Variants in SLC4A8 observed in about 807,000 individuals in gnomAD.
The protein encoded by SLC4A8 is solute carrier family 4 member 8.
SLC4A8 carries 40 observed loss-of-function variants against 125.0 expected under a neutral mutation model. The ratio of observed to expected loss-of-function variants is 0.32; its 90% CI spans 0.25 to 0.42. SLC4A8 has a LOEUF of 0.42. Ranked by LOEUF, SLC4A8 falls within the 10% of genes least tolerant of loss-of-function variation. The probability of loss-of-function intolerance (pLI) is 1.00; values close to 1 mark genes in which losing one functional copy is unlikely to be tolerated. For synonymous variants in SLC4A8, 456 were observed against 476.0 expected (o/e 0.96, Z 0.55); for missense variants, 863 against 1,355.1 (o/e 0.64, Z 5.70).
chr12:51,493,666 A>G lies in SLC4A8; in HGVS notation c.2701-38A>G, dbSNP rs199641988. 29 of 1,393,308 alleles carry G rather than the reference A, an allele frequency of 2.1e-5. No homozygotes were observed. The East Asian group carries it at 5.9e-4, about 28-fold the overall frequency. The allele number at this position is 1,393,308 out of a possible 1,614,324, so 86.3% of individuals were successfully genotyped here. On this transcript the variant is annotated intron_variant, in intron 19 of 24. Coordinates refer to ENST00000453097, the MANE Select transcript of SLC4A8 (RefSeq NM_001039960.3). ...TAGTTTTGAGTGTGCTATGATACCA[A>G]ATTTAATTTCTGGCCTTTCTTGTCC...
At chr12:51,489,627 A>AC in intron 18 of SLC4A8, 73 bp from the exon 19 acceptor site, 1 of 1,578,606 alleles carries the variant, frequency 6.3e-7, no homozygotes, top group Middle Eastern at 2.2e-4. Context: ...TGGGCCTGAG[A>AC]CCCGTAGCTC....
intron 24 of SLC4A8, among the ~76,000 whole-genome samples, chr12:51,506,478 A>G (rs763054296): frequency 5.3e-5 from 8 of 149,932 alleles, no homozygotes; most frequent in Non-Finnish European, 1.2e-4. Context: ...TCTGTCTCCC[A>G]GGCTGGAGTG....
intron 1 of SLC4A8, among the ~76,000 whole-genome samples, chr12:51,395,579 CACCTCTGGTGGGGCAG>C (rs1459382315): frequency 3.1e-4 from 47 of 152,258 alleles, no homozygotes; most frequent in African/African-American, 1.0e-3. Context: ...AGGGGATACC[CACCTCTGGTGGGGCAG>C]AGTGAGGGAG....
intron 5 of SLC4A8, among the ~76,000 whole-genome samples, chr12:51,456,357 C>T (rs1181004761): frequency 6.6e-6 from 1 of 152,058 alleles, no homozygotes. Context: ...TCATTTATTT[C>T]TTCTAGTACT....
chr12:51,491,195 A>G (rs1176702757), intron 19 of SLC4A8, among the ~76,000 whole-genome samples: 2 of 152,172 alleles, frequency 1.3e-5, no homozygotes, highest in Admixed American at 1.3e-4. Context: ...GAGTCATCTA[A>G]GTGAAGAGGC....
chr12:51,485,555 T>C lies in SLC4A8; in HGVS notation c.2173-232T>C, dbSNP rs530198235. Reference sequence around the variant, plus strand: ...GTCCCAAACAGAACTCTTCAGAGGATGGTCTGGGTTATGTTAGCATTTGTC... The same window carrying C: ...GTCCCAAACAGAACTCTTCAGAGGACGGTCTGGGTTATGTTAGCATTTGTC... On this transcript the variant is annotated intron_variant, in intron 16 of 24. Transcript: ENST00000453097. Among the ~76,000 whole-genome samples the C allele has an allele frequency of 9.2e-5, 14 of 152,296 alleles. 1 individual carries two copies. Among genetic ancestry groups the C allele is most frequent in the African/African-American group, 2.6e-4 (11 of 41,552 alleles).
intron 21 of SLC4A8, among the ~76,000 whole-genome samples, chr12:51,495,470 C>CTTTTTTTTTTTTTT (rs3028942): frequency 1.7e-4 from 13 of 76,292 alleles, no homozygotes; most frequent in South Asian, 6.0e-4. Flanking sequence ...TTTCTTTCTT[C>CTTTTTTTTTTTTTT]TTTTTTTTTT....
chr12:51,501,494 C>T (rs1268853001), intron 22 of SLC4A8, among the ~76,000 whole-genome samples: 1 of 152,204 alleles, frequency 6.6e-6, no homozygotes, highest in Non-Finnish European at 1.5e-5. Flanking sequence ...GTTTTGTTCT[C>T]TTTGTGGCTG....
rs937871256 is a variant in SLC4A8, at chr12:51,514,988, G to A, written c.*7550G>A. 4 of 152,182 alleles carry A rather than the reference G, an allele frequency of 2.6e-5. No homozygotes were observed. Among genetic ancestry groups the A allele is most frequent in the South Asian group, 2.1e-4 (1 of 4,826 alleles). 9.4% of individuals were successfully genotyped at this position (152,182 alleles called of 1,614,324 possible). A position where few individuals can be genotyped will look rare whatever the true frequency, so the allele number is the denominator to read the frequency against. ...GATCCTTCTGAAGAGAAAAGGAATA[G>A]CATTTTTCTTAAACCTAACCCAGTT... On this transcript the variant is annotated 3_prime_UTR_variant, in exon 25 of 25. Transcript: ENST00000453097.
chr12:51,440,157 T>G (rs956303999), intron 1 of SLC4A8, among the ~76,000 whole-genome samples: 6 of 152,124 alleles, frequency 3.9e-5, no homozygotes, highest in Admixed American at 2.6e-4. Context: ...AGGAGACCAA[T>G]CTACACCAAA....
At chr12:51,485,677 C>T in intron 16 of SLC4A8, 110 bp from the exon 17 acceptor site, 5 of 621,662 alleles carry the variant, frequency 8.0e-6, no homozygotes, top group Non-Finnish European at 1.5e-5. Flanking sequence ...ATTAATTCAA[C>T]TGTAAGATGA....
intron 1 of SLC4A8, among the ~76,000 whole-genome samples, chr12:51,410,622 T>A (rs758356103): frequency 6.6e-6 from 1 of 152,028 alleles, no homozygotes; most frequent in African/African-American, 2.4e-5. Flanking sequence ...CAGGCCCAGC[T>A]AATTTTTTTA....
chr12:51,428,873 G>T (rs778384673), intron 1 of SLC4A8, among the ~76,000 whole-genome samples: 12 of 152,148 alleles, frequency 7.9e-5, no homozygotes, highest in Admixed American at 2.0e-4. Context: ...AGAAAACAAA[G>T]ATAATAAAGA....
intron 1 of SLC4A8, among the ~76,000 whole-genome samples, chr12:51,401,368 C>G (rs1316956250): frequency 6.6e-6 from 1 of 152,162 alleles, no homozygotes; most frequent in Non-Finnish European, 1.5e-5. Flanking sequence ...TTTTAAGTAG[C>G]TCTCAGTAGA....
intron 16 of SLC4A8, among the ~76,000 whole-genome samples, chr12:51,479,656 C>T (rs1156409768): frequency 7.0e-6 from 1 of 143,800 alleles, no homozygotes; most frequent in Non-Finnish European, 1.5e-5. Context: ...GCATTCCAGC[C>T]TGGGCGACAG....
intron 1 of SLC4A8, among the ~76,000 whole-genome samples, chr12:51,433,676 A>C (rs1212880010): frequency 1.3e-5 from 2 of 152,154 alleles, no homozygotes; most frequent in Non-Finnish European, 2.9e-5. Flanking sequence ...AATCTGCAGC[A>C]AGCACAGGCC....
At chr12:51,504,834 A>G (rs1350552966) in intron 23 of SLC4A8, among the ~76,000 whole-genome samples, 1 of 152,196 alleles carries the variant, frequency 6.6e-6, no homozygotes, top group Admixed American at 6.5e-5. Context: ...AAATGACAGG[A>G]AGCTAAATTG....
rs377601098 is a variant in SLC4A8, at chr12:51,397,891, AC to A, written c.-112+6407del. Among the ~76,000 whole-genome samples the A allele has an allele frequency of 2.6e-4, 39 of 152,008 alleles. No individual in the cohort carries two copies. The East Asian group carries it at 6.6e-3, about 26-fold the overall frequency. ...AGACCAGCCTGGGCAACATAGTGAG[AC>A]CCCTGTCTCTATAAAAAGTACAAAA... On this transcript the variant is annotated intron_variant, in intron 1 of 24. Transcript: ENST00000358657.
intron 1 of SLC4A8, among the ~76,000 whole-genome samples, chr12:51,432,769 T>C (rs73311675): frequency 0.013 from 1,962 of 152,234 alleles, 41 homozygotes; most frequent in African/African-American, 0.044. Flanking sequence ...TCTATATTTA[T>C]TGATTTTGAA....
Sources: allele counts gnomAD v4.1 joint callset (sites outside exome capture counted in the v4.1 genomes callset), GRCh38; gene constraint gnomAD v4.1.1; transcripts MANE v1.5; gene names NCBI Gene and HGNC (gene_info 2026-07-23, HGNC 2026-07-21).